Variants in OPCML observed in about 807,000 individuals in gnomAD.
The protein encoded by OPCML is opioid-binding protein/cell adhesion molecule.
A neutral mutation model predicts 37.8 loss-of-function variants in OPCML; 13 were observed. The observed-to-expected ratio is 0.34, with a 90% confidence interval of 0.22 to 0.55. OPCML has a LOEUF of 0.55. OPCML is among the 20% of genes least tolerant of loss of function. The pLI, the probability that OPCML is intolerant of heterozygous loss-of-function variation, is 0.91. For synonymous variants in OPCML, 176 were observed against 168.8 expected (o/e 1.04, Z -0.33); for missense variants, 341 against 435.6 (o/e 0.78, Z 1.93).
chr11:132,995,648 A>T, intron 1 of OPCML, among the ~76,000 whole-genome samples: 1 of 152,068 alleles, frequency 6.6e-6, no homozygotes, highest in Admixed American at 6.5e-5. Context: ...AAAGACCCCT[A>T]GAAGAGTGGG....
chr11:133,119,853 G>C (rs1949394633), intron 1 of OPCML, among the ~76,000 whole-genome samples: 1 of 152,194 alleles, frequency 6.6e-6, no homozygotes, highest in African/African-American at 2.4e-5. Context: ...GAAGTGGGCG[G>C]TGGAGCAGGT....
At chr11:132,787,463 C>T (rs532945551) in intron 2 of OPCML, among the ~76,000 whole-genome samples, 7 of 152,148 alleles carry the variant, frequency 4.6e-5, no homozygotes, top group East Asian at 1.9e-4. Flanking sequence ...GAGGGCAAAT[C>T]GCATAGCTTT....
At chr11:133,014,949 T>G (rs1027883245) in intron 1 of OPCML, among the ~76,000 whole-genome samples, 2 of 152,128 alleles carry the variant, frequency 1.3e-5, no homozygotes, top group East Asian at 1.9e-4. Context: ...ATGAAGAAAT[T>G]TATCAGTGTG....
intron 3 of OPCML, among the ~76,000 whole-genome samples, chr11:132,535,947 A>T (rs1440068940): frequency 1.3e-5 from 2 of 151,836 alleles, no homozygotes; most frequent in Non-Finnish European, 2.9e-5. Context: ...GTTGTCAAGA[A>T]CTCTCTGGGA....
At chr11:132,541,490 T>A (rs1290934387) in intron 3 of OPCML, among the ~76,000 whole-genome samples, 1 of 150,810 alleles carries the variant, frequency 6.6e-6, no homozygotes, top group Non-Finnish European at 1.5e-5. Context: ...AATGCCAATG[T>A]TATGGGCTCT....
chr11:133,296,105 C>T (rs1241298002), intron 1 of OPCML, among the ~76,000 whole-genome samples: 2 of 152,092 alleles, frequency 1.3e-5, no homozygotes, highest in African/African-American at 4.8e-5. Flanking sequence ...CATTAACCGC[C>T]ATGGAATGTA....
At chr11:132,518,969 A>G (rs961637899) in intron 4 of OPCML, among the ~76,000 whole-genome samples, 1 of 152,188 alleles carries the variant, frequency 6.6e-6, no homozygotes, top group Non-Finnish European at 1.5e-5. Context: ...TTTTCACTAG[A>G]TATGATACAA....
chr11:132,784,437 T>C (rs138345204), intron 2 of OPCML, among the ~76,000 whole-genome samples: 20 of 152,210 alleles, frequency 1.3e-4, no homozygotes, highest in African/African-American at 1.9e-4. Flanking sequence ...CCTCTTTCCA[T>C]TATAAAGCCC....
At chr11:133,399,544 A>G (rs1945356682) in intron 1 of OPCML, among the ~76,000 whole-genome samples, 1 of 152,156 alleles carries the variant, frequency 6.6e-6, no homozygotes, top group South Asian at 2.1e-4. Flanking sequence ...CCTCATTGCC[A>G]TGGCACAGCC....
intron 1 of OPCML, among the ~76,000 whole-genome samples, chr11:133,260,375 A>C (rs11223415): frequency 2.0e-5 from 3 of 151,830 alleles, no homozygotes; most frequent in Non-Finnish European, 4.4e-5. Flanking sequence ...GACCTGACTA[A>C]AGAGGGTCTG....
chr11:132,917,062 C>A (rs7926025), intron 2 of OPCML, among the ~76,000 whole-genome samples: 2,787 of 152,224 alleles, frequency 0.018, 96 homozygotes, highest in African/African-American at 0.064. Context: ...GTGACCAAGC[C>A]CAAGCTACCA....
At chr11:132,687,271 T>G (rs570439998) in intron 2 of OPCML, among the ~76,000 whole-genome samples, 1 of 150,310 alleles carries the variant, frequency 6.7e-6, no homozygotes, top group African/African-American at 2.4e-5. Flanking sequence ...TTGTTTTGAA[T>G]ATGTTGATAT....
At chr11:132,820,393 T>C (rs944898841) in intron 2 of OPCML, among the ~76,000 whole-genome samples, 3 of 152,208 alleles carry the variant, frequency 2.0e-5, no homozygotes, top group African/African-American at 7.2e-5. Context: ...AGGCCAGTGA[T>C]AGGCGTATTA....
At chr11:133,248,564 C>A (rs192637529) in intron 1 of OPCML, among the ~76,000 whole-genome samples, 31 of 152,332 alleles carry the variant, frequency 2.0e-4, no homozygotes, top group Admixed American at 1.2e-3. Flanking sequence ...TTCCCTGCAG[C>A]TGTGCTCAGA....
chr11:132,835,279 G>C (rs1322847337), intron 2 of OPCML, among the ~76,000 whole-genome samples: 1 of 152,244 alleles, frequency 6.6e-6, no homozygotes, highest in African/African-American at 2.4e-5. Context: ...TCAGCAGACT[G>C]CTGCGGAAGT....
In OPCML at chr11:132,988,467, T is replaced by C. The variant is rs544764314; in HGVS notation, c.62-45457A>G. 1.1e-3 allele frequency among the ~76,000 whole-genome samples: 161 copies of C among 152,312 alleles called. 1 individual carries two copies. The highest frequency in any genetic ancestry group is 2.0e-3 in the Non-Finnish European group (136 of 68,028). ...ATTCTTTGATTACTTTGGAAAAATA[T>C]AGTCCACTTTCTGAGAAGATAGTAA... On this transcript the variant is annotated intron_variant, in intron 1 of 7. Coordinates refer to ENST00000524381, the MANE Select transcript of OPCML (RefSeq NM_001012393.5).
chr11:132,681,887 G>A (rs979517297), intron 2 of OPCML, among the ~76,000 whole-genome samples: 2 of 151,974 alleles, frequency 1.3e-5, no homozygotes, highest in Admixed American at 6.6e-5. Context: ...CCCGGGAGGT[G>A]GAGCTTGCAG....
At chr11:132,820,508 A>ATGTG (rs143996955) in intron 2 of OPCML, among the ~76,000 whole-genome samples, 1 of 150,810 alleles carries the variant, frequency 6.6e-6, no homozygotes, top group African/African-American at 2.4e-5. Context: ...GTGTGTGTGT[A>ATGTG]TGTGTGTGTG....
At chr11:133,037,377 G>A (rs1436573127) in intron 1 of OPCML, among the ~76,000 whole-genome samples, 3 of 152,176 alleles carry the variant, frequency 2.0e-5, no homozygotes, top group Non-Finnish European at 1.5e-5. Flanking sequence ...GTTACTGGAA[G>A]CGTTCAAGTT....
Sources: gnomAD v4.1 joint callset for allele counts (sites outside exome capture counted in the v4.1 genomes callset) on GRCh38, gnomAD v4.1.1 for gene constraint, MANE v1.5 for transcripts, NCBI Gene and HGNC (gene_info 2026-07-23, HGNC 2026-07-21) for gene names.